The following TMEM245 variants were observed in gnomAD, a reference collection of about 807,000 sequenced individuals.
The protein encoded by TMEM245 is protein CG-2.
A neutral mutation model predicts 101.2 loss-of-function variants in TMEM245; 69 were observed. That is an observed-to-expected ratio of 0.68 (90% CI 0.56 to 0.83). TMEM245 has a LOEUF of 0.83. Ranked by LOEUF, TMEM245 falls within the 40% of genes least tolerant of loss-of-function variation. The pLI is 0.00. For synonymous variants in TMEM245, 537 were observed against 449.8 expected (o/e 1.19, Z -2.45); for missense variants, 1,075 against 1,092.8 (o/e 0.98, Z 0.23).
At chr9:109,100,314 T>TAA (rs1246545034) in intron 3 of TMEM245, among the ~76,000 whole-genome samples, 4 of 152,034 alleles carry the variant, frequency 2.6e-5, no homozygotes, top group Non-Finnish European at 5.9e-5. Context: ...CTATGTTTAT[T>TAA]TATTTATTAT....
rs183930597 is a variant in TMEM245, at chr9:109,039,432, G to A, written c.2124-1315C>T. On this transcript the variant is annotated intron_variant, in intron 14 of 17. Transcript: ENST00000374586. ...CAGAGCTTCAGGTTTTAAACCTGAAGGGGAAAGAATAGCAGTGTCTCAAAG... is the reference window on the plus strand; with the variant it reads ...CAGAGCTTCAGGTTTTAAACCTGAAAGGGAAAGAATAGCAGTGTCTCAAAG... The A allele has an allele frequency of 2.6e-5, 4 of 152,324 alleles. No individual in the cohort carries two copies. In the East Asian group the frequency reaches 5.8e-4, roughly 22 times the overall value. The allele number at this position is 152,324 out of a possible 1,614,324, so 9.4% of individuals were successfully genotyped here. A position where few individuals can be genotyped will look rare whatever the true frequency, so the allele number is the denominator to read the frequency against.
chr9:109,041,286 C>T (rs1190527960), intron 14 of TMEM245, among the ~76,000 whole-genome samples: 1 of 151,862 alleles, frequency 6.6e-6, no homozygotes. Flanking sequence ...CTATTCAGCC[C>T]CCCCAAAAGA....
intron 3 of TMEM245, 73 bp downstream of exon 3, chr9:109,106,434 TC>T (rs1265515373): frequency 3.3e-6 from 3 of 895,622 alleles, no homozygotes; most frequent in Non-Finnish European, 5.0e-6. Flanking sequence ...AGCTGTTTCA[TC>T]ATAGCATTTT....
At chr9:109,031,919 T>G (rs890570038) in intron 17 of TMEM245, among the ~76,000 whole-genome samples, 1 of 152,394 alleles carries the variant, frequency 6.6e-6, no homozygotes, top group African/African-American at 2.4e-5. Flanking sequence ...CAACTCTATA[T>G]TGGTGTCCCA....
chr9:109,028,454 CAA>C (rs3060541), intron 17 of TMEM245, among the ~76,000 whole-genome samples: 151 of 137,872 alleles, frequency 1.1e-3, no homozygotes, highest in Non-Finnish European at 1.2e-3. Flanking sequence ...CACTCCATCT[CAA>C]AAAAAAAAAA....
intron 12 of TMEM245, among the ~76,000 whole-genome samples, chr9:109,052,430 T>G (rs563971138): frequency 2.6e-5 from 4 of 152,362 alleles, no homozygotes; most frequent in South Asian, 2.1e-4. Flanking sequence ...GATTTTTGTT[T>G]TGGTGCCCTT....
intron 17 of TMEM245, among the ~76,000 whole-genome samples, chr9:109,020,914 G>A (rs552437401): frequency 6.6e-6 from 1 of 152,326 alleles, no homozygotes; most frequent in East Asian, 1.9e-4. Context: ...AAGATTAAAT[G>A]CTAAGTGGAT....
At chr9:109,078,212 T>C (rs1356565642) in intron 8 of TMEM245, among the ~76,000 whole-genome samples, 1 of 152,246 alleles carries the variant, frequency 6.6e-6, no homozygotes. Flanking sequence ...CTTTGTGCTA[T>C]GGTTTTACAT....
At chr9:109,107,992 CAAATATTAGAAATAGGCT>C (rs1221577005) in intron 2 of TMEM245, among the ~76,000 whole-genome samples, 4 of 152,186 alleles carry the variant, frequency 2.6e-5, no homozygotes, top group Non-Finnish European at 5.9e-5. Context: ...GACAGTCCTT[CAAATATTAGAAATAGGCT>C]TTCATGTCTT....
Position 109,041,305 on chromosome 9 carries a change from C to G in TMEM245, c.2124-3188G>C, listed in dbSNP as rs184127238. 1.5e-3 allele frequency among the ~76,000 whole-genome samples: 224 copies of G among 152,200 alleles called. 1 individual carries two copies. Among genetic ancestry groups the G allele is most frequent in the African/African-American group, 5.0e-3 (209 of 41,532 alleles). On this transcript the variant is annotated intron_variant, in intron 14 of 17. Coordinates refer to ENST00000374586, the MANE Select transcript of TMEM245 (RefSeq NM_032012.4). ...TCAGCCCCCCCAAAAGAAGGAAATCCTGTCATTTGCGACAACGTAGATGAT... is the reference window on the plus strand; with the variant it reads ...TCAGCCCCCCCAAAAGAAGGAAATCGTGTCATTTGCGACAACGTAGATGAT...
chr9:109,072,011 C>CA (rs1829349543), intron 9 of TMEM245, among the ~76,000 whole-genome samples: 1 of 152,168 alleles, frequency 6.6e-6, no homozygotes, highest in African/African-American at 2.4e-5. Flanking sequence ...CCAAAACAGC[C>CA]AGAGAAAATA....
intron 9 of TMEM245, among the ~76,000 whole-genome samples, chr9:109,068,171 T>C (rs59048342): frequency 0.031 from 4,743 of 151,810 alleles, 252 homozygotes; most frequent in African/African-American, 0.11. Flanking sequence ...ATCGAGACCA[T>C]CCTGGCTAAC....
At chr9:109,051,551 C>T (rs141639840) in intron 12 of TMEM245, among the ~76,000 whole-genome samples, 96 of 152,154 alleles carry the variant, frequency 6.3e-4, no homozygotes, top group Admixed American at 4.9e-3. Context: ...ACCTTTGTAG[C>T]GTGTTACTGT....
In TMEM245 at chr9:109,015,381, C is replaced by T. The variant is rs921513278; in HGVS notation, c.*5079G>A. 3 of 152,128 alleles carry T rather than the reference C, an allele frequency of 2.0e-5. No homozygotes were observed. Among genetic ancestry groups the T allele is most frequent in the Non-Finnish European group, 4.4e-5 (3 of 68,020 alleles). 9.4% of individuals were successfully genotyped at this position (152,128 alleles called of 1,614,324 possible). On this transcript the variant is annotated 3_prime_UTR_variant, in exon 18 of 18. Coordinates refer to ENST00000374586, the MANE Select transcript of TMEM245 (RefSeq NM_032012.4). ...TATGTAAGCAATTACAACTCTATATCAAATCTTAGTTCAAAATCAAATTGT... is the reference window on the plus strand; with the variant it reads ...TATGTAAGCAATTACAACTCTATATTAAATCTTAGTTCAAAATCAAATTGT...
chr9:109,062,248 C>A (rs1047297943), intron 10 of TMEM245, among the ~76,000 whole-genome samples: 1 of 152,110 alleles, frequency 6.6e-6, no homozygotes, highest in Non-Finnish European at 1.5e-5. Flanking sequence ...CCTCCTGACT[C>A]GGCCTCCCAA....
At chr9:109,104,256 G>A (rs1452260721) in intron 3 of TMEM245, among the ~76,000 whole-genome samples, 1 of 151,858 alleles carries the variant, frequency 6.6e-6, no homozygotes, top group African/African-American at 2.4e-5. Flanking sequence ...TACTTGATGT[G>A]ATTATTACAC....
intron 14 of TMEM245, chr9:109,039,050 C>T (rs556565013): frequency 1.3e-5 from 2 of 152,296 alleles, no homozygotes. Flanking sequence ...AAAAAGAAGA[C>T]GTTAGCGGCA....
chr9:109,064,372 T>C (rs1829101468), intron 10 of TMEM245, 105 bp downstream of exon 10: 2 of 979,414 alleles, frequency 2.0e-6, no homozygotes, highest in East Asian at 4.9e-5. Context: ...TTAAGCCTAT[T>C]TACTGCTGTG....
intron 14 of TMEM245, among the ~76,000 whole-genome samples, chr9:109,047,347 G>A (rs1027950404): frequency 2.6e-5 from 4 of 152,126 alleles, no homozygotes; most frequent in South Asian, 2.1e-4. Context: ...TCCTCATATC[G>A]CTGTAGATGA....
Sources: gnomAD v4.1 joint callset for allele counts (sites outside exome capture counted in the v4.1 genomes callset) on GRCh38, gnomAD v4.1.1 for gene constraint, MANE v1.5 for transcripts, NCBI Gene and HGNC (gene_info 2026-07-23, HGNC 2026-07-21) for gene names.